CCNL2: variants seen among roughly 807,000 people sequenced by gnomAD.
CCNL2 encodes the protein cyclin-L2.
A neutral mutation model predicts 59.1 loss-of-function variants in CCNL2; 28 were observed. That is an observed-to-expected ratio of 0.47 (90% CI 0.35 to 0.65). The LOEUF (loss-of-function observed/expected upper bound fraction) is 0.65. CCNL2 is among the 30% of genes least tolerant of loss of function. The pLI, the probability that CCNL2 is intolerant of heterozygous loss-of-function variation, is 0.00. For synonymous variants in CCNL2, 342 were observed against 288.6 expected (o/e 1.19, Z -1.88); for missense variants, 714 against 717.4 (o/e 1.00, Z 0.05).
intron 8 of CCNL2, among the ~76,000 whole-genome samples, chr1:1,389,902 T>C (rs1644670614): frequency 6.6e-6 from 1 of 151,808 alleles, no homozygotes; most frequent in Admixed American, 6.6e-5. Context: ...GAGCTTGCAG[T>C]GAGAGGAAAT....
At chr1:1,398,396 GACGGCCGCCA>G in intron 2 of CCNL2, 54 bp from the exon 3 acceptor site, 7 of 1,611,682 alleles carry the variant, frequency 4.3e-6, no homozygotes, top group Non-Finnish European at 5.9e-6. Context: ...ACGGCGTCCT[GACGGCCGCCA>G]AAGGCTTGAG....
In CCNL2 at chr1:1,388,570, TC is replaced by T. The variant is rs1644588321; in HGVS notation, c.1007-506del. ...CCCAAAACATGTGAGTGTGTGTCTC[TC>T]TCTCTCTCTCTCTATATATATATAT... On this transcript the variant is annotated intron_variant, in intron 8 of 10. Transcript: ENST00000400809. The T allele has an allele frequency of 2.7e-4, 115 of 419,516 alleles. 1 individual carries two copies. Among genetic ancestry groups the T allele is most frequent in the South Asian group, 1.8e-3 (107 of 58,806 alleles). The allele number at this position is 419,516 out of a possible 1,614,324, so 26.0% of individuals were successfully genotyped here.
At chr1:1,389,098 T>G (rs1644623635) in intron 8 of CCNL2, 1 of 166,018 alleles carries the variant, frequency 6.0e-6, no homozygotes, top group Non-Finnish European at 1.3e-5. Context: ...GCAGGCCGGG[T>G]GCAGTGGCTC....
rs1645162306 is a variant in CCNL2 at position 1,398,300 on chromosome 1, C to T, written c.406G>A (p.Glu136Lys). The T allele has an allele frequency of 1.9e-6, 3 of 1,614,088 alleles. No individual in the cohort carries two copies. Among genetic ancestry groups the T allele is most frequent in the East Asian group, 2.2e-5 (1 of 44,898 alleles). The change falls in exon 3 of 11, where the codon GAG becomes AAG. Residue 136 changes from glutamate (E) to lysine (K), a missense_variant. Physicochemically the swap from Glu to Lys is moderately conservative, Grantham distance 56. Transcript: ENST00000400809. ...ACVHLASKIE[E>K]APRRIRDVIN... ...ACGTCCCGTATGCGTCTTGGGGCCT[C>T]TTCTATCTTGGAAGCCAGGTGGACA...
At position 1,395,376 on chromosome 1, in the gene CCNL2, C is replaced by A; in HGVS notation, c.594+18G>T. On this transcript the variant is annotated intron_variant, in intron 4 of 10. Transcript: ENST00000400809. ...CAGCGGCCTAGGCGGGCTCGCAGGG[C>A]AGGAGCCGCACACCCACCTTATGAG... 1 of 1,613,646 alleles carries A rather than the reference C, an allele frequency of 6.2e-7. No individual in the cohort carries two copies. The highest frequency in any genetic ancestry group is 8.5e-7 in the Non-Finnish European group (1 of 1,179,812).
rs1645216974 is a variant in CCNL2, at chr1:1,399,001, T to TCGCGGC, written c.288+12_288+17dup. The TCGCGGC allele has an allele frequency of 6.3e-7, 1 of 1,579,790 alleles. No individual in the cohort carries two copies. The highest frequency in any genetic ancestry group is 1.4e-5 in the African/African-American group (1 of 72,022). On this transcript the variant is annotated intron_variant, in intron 1 of 10. Coordinates refer to ENST00000400809, the MANE Select transcript of CCNL2 (RefSeq NM_030937.6). ...CCCAGCGGTTACCTGGGCCGGAGGCTCGCGGCCGCGCCCTCACCTGCGGCA... is the reference window on the plus strand; with the variant it reads ...CCCAGCGGTTACCTGGGCCGGAGGCTCGCGGCCGCGGCCGCGCCCTCACCTGCGGCA...
At chr1:1,398,399 G>A in intron 2 of CCNL2, 57 bp from the exon 3 acceptor site, 1 of 1,611,062 alleles carries the variant, frequency 6.2e-7, no homozygotes, top group Non-Finnish European at 8.5e-7. Flanking sequence ...GCGTCCTGAC[G>A]GCCGCCAAAG....
intron 3 of CCNL2, among the ~76,000 whole-genome samples, chr1:1,396,728 C>T (rs554122529): frequency 1.3e-5 from 2 of 151,324 alleles, no homozygotes; most frequent in Non-Finnish European, 2.9e-5. Context: ...TACAGGCACC[C>T]GCAACCACAC....
chr1:1,395,827 A>G (rs898724863), intron 3 of CCNL2, among the ~76,000 whole-genome samples: 2 of 152,184 alleles, frequency 1.3e-5, no homozygotes, highest in Non-Finnish European at 2.9e-5. Context: ...GTGACTCACG[A>G]TAGGAAGGTA....
At chr1:1,392,928 C>G (rs1644829817) in intron 5 of CCNL2, 1 of 950,402 alleles carries the variant, frequency 1.1e-6, no homozygotes, top group South Asian at 1.5e-5. Context: ...GGAAAAAATT[C>G]ACCAGAATCC....
In CCNL2 at chr1:1,392,627, A is replaced by T; in HGVS notation, c.659+769T>A. Reference sequence around the variant, plus strand: ...ACGACAGAGGATTAACAAGAAGCACAATCGTCAGAGAACCACAGCAGGAGT... The same window carrying T: ...ACGACAGAGGATTAACAAGAAGCACTATCGTCAGAGAACCACAGCAGGAGT... On this transcript the variant is annotated intron_variant, in intron 5 of 10. Coordinates refer to ENST00000400809, the MANE Select transcript of CCNL2 (RefSeq NM_030937.6). 3 of 1,461,794 alleles carry T rather than the reference A, an allele frequency of 2.1e-6. No homozygotes were observed. In the South Asian group the frequency reaches 4.2e-5, roughly 21 times the overall value. The allele number at this position is 1,461,794 out of a possible 1,614,324, so 90.6% of individuals were successfully genotyped here. A position where few individuals can be genotyped will look rare whatever the true frequency, so the allele number is the denominator to read the frequency against.
chr1:1,394,693 T>C (rs1034556817), intron 4 of CCNL2, among the ~76,000 whole-genome samples: 4 of 138,120 alleles, frequency 2.9e-5, no homozygotes, highest in Admixed American at 8.4e-5. Flanking sequence ...GAGGTTGCAG[T>C]GAGCCAAGAT....
chr1:1,393,080 G>C (rs781495342), intron 5 of CCNL2: 290 of 588,498 alleles, frequency 4.9e-4, no homozygotes, highest in Non-Finnish European at 7.6e-4. Context: ...GCACTAGCCT[G>C]TCCCTCCACC....
chr1:1,398,106 C>A (rs1165861431), intron 3 of CCNL2, 127 bp downstream of exon 3: 4 of 853,828 alleles, frequency 4.7e-6, no homozygotes, highest in East Asian at 2.6e-5. Flanking sequence ...CTTGAGACTG[C>A]GCTCATGAAT....
chr1:1,396,571 GTTTTTTTTTTTT>G (rs1175846044), intron 3 of CCNL2, among the ~76,000 whole-genome samples: 1 of 69,656 alleles, frequency 1.4e-5, no homozygotes, highest in Non-Finnish European at 2.4e-5. Context: ...CGGCAAGGCT[GTTTTTTTTTTTT>G]TTTTTTTTTT....
intron 4 of CCNL2, among the ~76,000 whole-genome samples, chr1:1,393,952 C>T (rs144707149): frequency 0.043 from 6,537 of 152,046 alleles, 198 homozygotes; most frequent in Non-Finnish European, 0.07. Flanking sequence ...TATGGAGAAA[C>T]CCAGTCTCTA....
intron 5 of CCNL2, chr1:1,391,188 A>G (rs1644744285): frequency 8.8e-7 from 1 of 1,142,648 alleles, no homozygotes; most frequent in African/African-American, 1.6e-5. Flanking sequence ...GCCTGCTCTC[A>G]TGCAAAGCAC....
chr1:1,399,214 C>T lies in CCNL2; in HGVS notation c.93G>A (p.Gly31=). The part of the protein sequence containing the change: ...GAPGSGGAPS[G]SQGVLIGDRL... ...TGTCCCCGATCAGCACCCCCTGCGA[C>T]CCTGAGGGTGCGCCCCCAGATCCCG... is the stretch of plus-strand genomic sequence containing the variant. Residue 31 remains glycine, a synonymous_variant, in exon 1 of 11, where the codon GGG becomes GGA. Transcript: ENST00000400809. 1 of 1,603,448 alleles carries T rather than the reference C, an allele frequency of 6.2e-7. No individual in the cohort carries two copies. Among genetic ancestry groups the T allele is most frequent in the South Asian group, 1.1e-5 (1 of 90,046 alleles).
At chr1:1,392,918 G>T (rs1644829143) in intron 5 of CCNL2, 2 of 1,073,426 alleles carry the variant, frequency 1.9e-6, no homozygotes, top group African/African-American at 3.2e-5. Context: ...TAACTCCATG[G>T]GAAAAAATTC....
Sources: allele counts gnomAD v4.1 joint callset (sites outside exome capture counted in the v4.1 genomes callset), GRCh38; gene constraint gnomAD v4.1.1; transcripts MANE v1.5; gene names NCBI Gene and HGNC (gene_info 2026-07-23, HGNC 2026-07-21).